The following EPN2 variants were observed in gnomAD, a reference collection of about 807,000 sequenced individuals.
EPN2 encodes the protein epsin-2.
Under a neutral mutation model 61.7 loss-of-function variants are expected in EPN2, and 34 were observed. The ratio of observed to expected loss-of-function variants is 0.55; its 90% CI spans 0.42 to 0.73. EPN2 has a LOEUF of 0.73. EPN2 is among the 30% of genes least tolerant of loss of function. The pLI is 0.00. For missense variants in EPN2, 714 were observed against 839.2 expected, an observed-to-expected ratio of 0.85 and a Z score of 1.84; for synonymous variants, 349 against 353.6, an observed-to-expected ratio of 0.99 and a Z score of 0.15.
At chr17:19,297,803 ATT>A (rs1205427144) in intron 4 of EPN2, among the ~76,000 whole-genome samples, 1 of 152,116 alleles carries the variant, frequency 6.6e-6, no homozygotes, top group Admixed American at 6.5e-5. Flanking sequence ...ATGCAGTTTG[ATT>A]TTTTTGAAAA....
intron 1 of EPN2, among the ~76,000 whole-genome samples, chr17:19,248,071 T>C (rs2044972362): frequency 6.6e-6 from 1 of 152,120 alleles, no homozygotes; most frequent in African/African-American, 2.4e-5. Flanking sequence ...AGCTGTGTGC[T>C]TGGAGGAGCC....
chr17:19,270,431 G>T (rs1362219035), intron 1 of EPN2, among the ~76,000 whole-genome samples: 1 of 152,176 alleles, frequency 6.6e-6, no homozygotes, highest in Non-Finnish European at 1.5e-5. Flanking sequence ...CCTCTGGTAG[G>T]TGATTCCCAC....
intron 1 of EPN2, among the ~76,000 whole-genome samples, chr17:19,276,750 C>A (rs2045309163): frequency 7.0e-6 from 1 of 143,220 alleles, no homozygotes. Context: ...TTTCAATTGT[C>A]AGTATGTAAT....
Position 19,334,194 on chromosome 17 carries a change from T to C in EPN2, c.1866T>C (p.Ser622=). 1 of 1,564,256 alleles carries C rather than the reference T, an allele frequency of 6.4e-7. No individual in the cohort carries two copies. Among genetic ancestry groups the C allele is most frequent in the Non-Finnish European group, 8.7e-7 (1 of 1,149,948 alleles). Residue 622 remains serine (S), a synonymous_variant, in exon 11 of 11, where the codon AGT becomes AGC. Transcript: ENST00000314728. This position sits in a 1 kb window ranked among gnomAD's most constrained non-coding sequence, Gnocchi z 4.9. ...LGPAMMNMVG[S]VGIPPSAAQA... ...CTGCAATGATGAACATGGTGGGCAG[T>C]GTGGGTATACCCCCATCAGCAGCCC...
chr17:19,275,605 G>A (rs1220011906), intron 1 of EPN2, among the ~76,000 whole-genome samples: 1 of 152,180 alleles, frequency 6.6e-6, no homozygotes, highest in African/African-American at 2.4e-5. Context: ...ACATATCACT[G>A]ATGTAGCTGC....
chr17:19,247,582 G>C (rs2044967015), intron 1 of EPN2, among the ~76,000 whole-genome samples: 1 of 152,262 alleles, frequency 6.6e-6, no homozygotes. Flanking sequence ...GCTTGAGTGT[G>C]TGCTGGCTCC....
At chr17:19,249,862 G>C (rs1533034) in intron 1 of EPN2, among the ~76,000 whole-genome samples, 66,462 of 151,892 alleles carry the variant, frequency 0.44, 21,363 homozygotes, top group East Asian at 0.99. Context: ...TGGAGGCTCT[G>C]GGGGGGAACC....
intron 7 of EPN2, among the ~76,000 whole-genome samples, chr17:19,319,752 G>A (rs1349329281): frequency 6.6e-6 from 1 of 151,480 alleles, no homozygotes; most frequent in African/African-American, 2.4e-5. Flanking sequence ...GGTTCAAGCA[G>A]TTCTCCTGCC....
At chr17:19,240,691 T>C (rs1329122596) in intron 1 of EPN2, among the ~76,000 whole-genome samples, 3 of 152,236 alleles carry the variant, frequency 2.0e-5, no homozygotes, top group Non-Finnish European at 2.9e-5. Flanking sequence ...GTCCGATGTT[T>C]GGCCCCTTTT....
intron 4 of EPN2, among the ~76,000 whole-genome samples, chr17:19,295,366 A>ACACACG (rs147719775): frequency 7.1e-6 from 1 of 140,318 alleles, no homozygotes; most frequent in African/African-American, 2.8e-5. Context: ...ACACACACAC[A>ACACACG]CGCGCGTGCG....
At chr17:19,289,373 C>T (rs975357552) in intron 4 of EPN2, among the ~76,000 whole-genome samples, 12 of 151,934 alleles carry the variant, frequency 7.9e-5, no homozygotes, top group Non-Finnish European at 1.6e-4. Context: ...TGTGAGCCAC[C>T]GCACCTGGAC....
At chr17:19,332,214 G>A (rs1014193822) in intron 10 of EPN2, 146 bp downstream of exon 10, 24 of 656,470 alleles carry the variant, frequency 3.7e-5, no homozygotes, top group Non-Finnish European at 5.2e-5. Flanking sequence ...GCCCTCGCCA[G>A]TGCTGCATGG....
At position 19,331,517 on chromosome 17, in the gene EPN2, G is replaced by GA. The variant is rs563630277; in HGVS notation, c.1412-322dup. On this transcript the variant is annotated intron_variant, in intron 9 of 10. Transcript: ENST00000314728. Reference sequence around the variant, plus strand: ...AAAATTTAGTAAATGGAAAATGTAAGAAAAAAAAAAAAAAGTAAATTGCCC... The same window carrying GA: ...AAAATTTAGTAAATGGAAAATGTAAGAAAAAAAAAAAAAAAGTAAATTGCCC... Among the ~76,000 whole-genome samples the GA allele has an allele frequency of 2.6e-3, 329 of 126,124 alleles. 1 individual carries two copies. The highest frequency in any genetic ancestry group is 3.2e-3 in the South Asian group (13 of 4,002). 82.7% of individuals were successfully genotyped at this position (126,124 alleles called of 152,430 possible).
chr17:19,313,431 C>T, intron 7 of EPN2, 152 bp downstream of exon 7: 1 of 555,726 alleles, frequency 1.8e-6, no homozygotes, highest in Non-Finnish European at 2.9e-6. Flanking sequence ...CCAACTGGCC[C>T]TTGCCCTCCT....
intron 7 of EPN2, among the ~76,000 whole-genome samples, chr17:19,314,369 G>A (rs1906287003): frequency 1.1e-5 from 1 of 89,488 alleles, no homozygotes; most frequent in African/African-American, 2.5e-5. Flanking sequence ...GAGTCCCCAG[G>A]GAAAAGAAGG....
At chr17:19,321,448 GA>G (rs1292806640) in intron 7 of EPN2, among the ~76,000 whole-genome samples, 3 of 152,304 alleles carry the variant, frequency 2.0e-5, no homozygotes, top group African/African-American at 7.2e-5. Flanking sequence ...ACACTTTGCA[GA>G]TTGACTTTAA....
intron 7 of EPN2, among the ~76,000 whole-genome samples, chr17:19,317,483 G>A (rs2152234492): frequency 6.6e-6 from 1 of 152,246 alleles, no homozygotes; most frequent in Non-Finnish European, 1.5e-5. Flanking sequence ...CCTCTGCACG[G>A]CTCAGTTCTT....
intron 1 of EPN2, among the ~76,000 whole-genome samples, chr17:19,243,498 T>G (rs1377776023): frequency 6.9e-6 from 1 of 145,056 alleles, no homozygotes; most frequent in Non-Finnish European, 1.5e-5. Context: ...GTTCACGCCA[T>G]TCTCCTGCCT....
chr17:19,325,221 A>T (rs1394507976), intron 7 of EPN2, among the ~76,000 whole-genome samples: 1 of 152,228 alleles, frequency 6.6e-6, no homozygotes, highest in African/African-American at 2.4e-5. Context: ...GAACAGGAAA[A>T]TAAAGAATAT....
Sources: gnomAD v4.1 joint callset for allele counts (sites outside exome capture counted in the v4.1 genomes callset) on GRCh38, gnomAD v4.1.1 for gene constraint, Gnocchi (gnomAD v3.1) non-coding constraint, MANE v1.5 for transcripts, NCBI Gene and HGNC (gene_info 2026-07-23, HGNC 2026-07-21) for gene names.